The following ST6GALNAC5 variants were observed in gnomAD, a reference collection of about 807,000 sequenced individuals.
ST6GALNAC5 encodes alpha-N-acetylgalactosaminide alpha-2,6-sialyltransferase 5.
Under a neutral mutation model 33.6 loss-of-function variants are expected in ST6GALNAC5, and 27 were observed. That is an observed-to-expected ratio of 0.80 (90% CI 0.59 to 1.11). The LOEUF is 1.11. ST6GALNAC5 is among the 50% of genes least tolerant of loss of function. The pLI is 0.00. For synonymous variants in ST6GALNAC5, 194 were observed against 171.2 expected, an observed-to-expected ratio of 1.13 and a Z score of -1.04; for missense variants, 428 against 454.0, an observed-to-expected ratio of 0.94 and a Z score of 0.52.
intron 2 of ST6GALNAC5, among the ~76,000 whole-genome samples, chr1:76,883,840 T>C (rs1251649525): frequency 1.3e-5 from 2 of 152,188 alleles, no homozygotes; most frequent in Non-Finnish European, 1.5e-5. Context: ...CAAGGAACAA[T>C]GAATGAGATG....
At chr1:77,039,732 T>G (rs1651771486) in intron 2 of ST6GALNAC5, among the ~76,000 whole-genome samples, 1 of 152,106 alleles carries the variant, frequency 6.6e-6, no homozygotes, top group African/African-American at 2.4e-5. Flanking sequence ...AGGAACAGAG[T>G]GTCTCACCAA....
At chr1:76,978,114 TTGTA>T (rs1345509654) in intron 2 of ST6GALNAC5, among the ~76,000 whole-genome samples, 4 of 152,194 alleles carry the variant, frequency 2.6e-5, no homozygotes, top group African/African-American at 9.6e-5. Flanking sequence ...TGTTGACTAT[TTGTA>T]TGTATTCTTT....
intron 2 of ST6GALNAC5, among the ~76,000 whole-genome samples, chr1:77,006,142 T>TTTG (rs1553172580): frequency 7.2e-5 from 11 of 151,836 alleles, no homozygotes; most frequent in African/African-American, 1.7e-4. Context: ...TGTAGTTTTT[T>TTTG]TTGTTGTTGT....
chr1:76,933,248 C>A (rs529262495), intron 2 of ST6GALNAC5, among the ~76,000 whole-genome samples: 21 of 151,956 alleles, frequency 1.4e-4, no homozygotes, highest in Non-Finnish European at 2.8e-4. Context: ...CTACAAAGGT[C>A]GACATTCAGA....
chr1:77,016,220 A>C (rs71658779), intron 2 of ST6GALNAC5, among the ~76,000 whole-genome samples: 5 of 20,606 alleles, frequency 2.4e-4, no homozygotes, highest in Admixed American at 6.5e-4. Flanking sequence ...CTCCTCCTGT[A>C]TCTCCTCCCC....
chr1:76,937,909 T>TC (rs1393342951), intron 2 of ST6GALNAC5, among the ~76,000 whole-genome samples: 1 of 152,048 alleles, frequency 6.6e-6, no homozygotes, highest in Non-Finnish European at 1.5e-5. Flanking sequence ...TTGTCTTACA[T>TC]CCCCTCATCT....
chr1:76,936,808 G>C (rs745972163), intron 2 of ST6GALNAC5, among the ~76,000 whole-genome samples: 1 of 151,970 alleles, frequency 6.6e-6, no homozygotes, highest in Non-Finnish European at 1.5e-5. Context: ...CTAAGGCAGA[G>C]GTTATGTGGT....
At chr1:77,053,942 C>T (rs760421759) in intron 4 of ST6GALNAC5, among the ~76,000 whole-genome samples, 4 of 152,142 alleles carry the variant, frequency 2.6e-5, no homozygotes, top group African/African-American at 4.8e-5. Flanking sequence ...GAGCTAGCCA[C>T]GTGGAGCCAG....
At chr1:76,894,382 C>T (rs1654079304) in intron 2 of ST6GALNAC5, among the ~76,000 whole-genome samples, 1 of 151,970 alleles carries the variant, frequency 6.6e-6, no homozygotes, top group South Asian at 2.1e-4. Context: ...TGTTTGCGAG[C>T]CTGAAGAGTT....
intron 3 of ST6GALNAC5, among the ~76,000 whole-genome samples, 156 bp from the exon 4 acceptor site, chr1:77,050,102 G>C (rs1652170174): frequency 6.6e-6 from 1 of 152,236 alleles, no homozygotes; most frequent in Non-Finnish European, 1.5e-5. Context: ...GTTAGTAAGA[G>C]ATGTCAATTT....
At chr1:76,999,059 C>G (rs113437424) in intron 2 of ST6GALNAC5, among the ~76,000 whole-genome samples, 2,465 of 152,084 alleles carry the variant, frequency 0.016, 66 homozygotes, top group African/African-American at 0.057. Context: ...ATTCTTGTTC[C>G]AATACTGTAG....
At chr1:77,004,122 A>C (rs1482483401) in intron 2 of ST6GALNAC5, among the ~76,000 whole-genome samples, 4 of 151,200 alleles carry the variant, frequency 2.6e-5, no homozygotes, top group Admixed American at 6.6e-5. Context: ...ATCACTTTCA[A>C]GTACACCAAT....
chr1:76,911,452 C>T (rs1431109363), intron 2 of ST6GALNAC5, among the ~76,000 whole-genome samples: 7 of 152,100 alleles, frequency 4.6e-5, no homozygotes, highest in Non-Finnish European at 7.4e-5. Flanking sequence ...ATGATGCTGG[C>T]CTCATAAAAT....
At chr1:77,035,986 C>A (rs568978095) in intron 2 of ST6GALNAC5, among the ~76,000 whole-genome samples, 1 of 152,046 alleles carries the variant, frequency 6.6e-6, no homozygotes, top group Admixed American at 6.6e-5. Context: ...TTCACAATAA[C>A]CAAAAAATGG....
intron 2 of ST6GALNAC5, among the ~76,000 whole-genome samples, chr1:77,027,176 A>C (rs183682052): frequency 6.6e-6 from 1 of 152,298 alleles, no homozygotes; most frequent in East Asian, 1.9e-4. Flanking sequence ...TCAGTCCCCA[A>C]AGGTATATCT....
chr1:76,898,649 C>G (rs1646783186), intron 2 of ST6GALNAC5, among the ~76,000 whole-genome samples: 2 of 151,976 alleles, frequency 1.3e-5, no homozygotes, highest in Non-Finnish European at 2.9e-5. Flanking sequence ...TGGGAGAGGT[C>G]AGATAAAGAA....
At chr1:76,911,815 T>C (rs981738408) in intron 2 of ST6GALNAC5, among the ~76,000 whole-genome samples, 2 of 152,184 alleles carry the variant, frequency 1.3e-5, no homozygotes, top group Non-Finnish European at 2.9e-5. Context: ...TCTTCTCTCT[T>C]TTTTTCTTTA....
At chr1:76,942,201 T>G (rs1557731230) in intron 2 of ST6GALNAC5, among the ~76,000 whole-genome samples, 1 of 152,104 alleles carries the variant, frequency 6.6e-6, no homozygotes, top group Non-Finnish European at 1.5e-5. Context: ...TAATTGGCCT[T>G]TTGTCTTCTA....
intron 2 of ST6GALNAC5, among the ~76,000 whole-genome samples, chr1:76,939,186 G>A (rs142841190): frequency 4.5e-4 from 68 of 152,106 alleles, no homozygotes; most frequent in South Asian, 4.2e-4. Flanking sequence ...GTTGAGTGCC[G>A]TTGGGACACT....
Sources: allele counts gnomAD v4.1 joint callset (sites outside exome capture counted in the v4.1 genomes callset), GRCh38; gene constraint gnomAD v4.1.1; transcripts MANE v1.5; gene names NCBI Gene and HGNC (gene_info 2026-07-23, HGNC 2026-07-21).